C1RL: variants seen among roughly 807,000 people sequenced by gnomAD.
C1RL encodes the protein complement C1r subcomponent like, also known as complement C1r subcomponent-like protein.
Under a neutral mutation model 27.9 loss-of-function variants are expected in C1RL, and 27 were observed. The ratio of observed to expected loss-of-function variants is 0.97; its 90% CI spans 0.71 to 1.33. The LOEUF (loss-of-function observed/expected upper bound fraction) is 1.33, where lower values mean the gene tolerates loss of function less well. Among genes scored for constraint, C1RL ranks in the 40% most tolerant of loss-of-function variants. The pLI is 0.00. For synonymous variants in C1RL, 248 were observed against 252.1 expected, an observed-to-expected ratio of 0.98 and a Z score of 0.15; for missense variants, 563 against 623.9, an observed-to-expected ratio of 0.90 and a Z score of 1.04.
At chr12:7,098,613 G>A (rs1053569196) in intron 5 of C1RL, among the ~76,000 whole-genome samples, 1 of 152,314 alleles carries the variant, frequency 6.6e-6, no homozygotes, top group Non-Finnish European at 1.5e-5. Flanking sequence ...CCATAGAAAG[G>A]AGTATTATTT....
intron 5 of C1RL, 120 bp from the exon 6 acceptor site, chr12:7,097,283 G>GTTT: frequency 7.0e-5 from 43 of 612,072 alleles, no homozygotes; most frequent in South Asian, 1.6e-4. Flanking sequence ...GGATCAGGAC[G>GTTT]TTTTTTTTTT....
Position 7,099,739 on chromosome 12 carries a change from G to C in C1RL, c.638C>G (p.Pro213Arg). 6.4e-7 allele frequency: 1 copy of C among 1,574,052 alleles called. No homozygotes were observed. The highest frequency in any genetic ancestry group is 8.6e-7 in the Non-Finnish European group (1 of 1,159,456). ...ATCCTGTCTGTCTTTCCAGGTCCCT[G>C]GGGTTGCACAGGTGAGTGCCCCTGT... ...AAAGALTCAT[P>R]GTWKDRQDGE... is the part of the protein sequence containing the mutation. Residue 213 changes from proline to arginine, a missense_variant, in exon 5 of 6, where the codon CCA (proline) becomes CGA (arginine). Transcript: ENST00000266542.
chr12:7,103,432 A>G (rs1389970020), intron 2 of C1RL, among the ~76,000 whole-genome samples: 5 of 152,126 alleles, frequency 3.3e-5, no homozygotes, highest in African/African-American at 1.2e-4. Flanking sequence ...CTCCTATATA[A>G]TGGTCTGTGT....
chr12:7,103,876 T>C (rs1167439407), intron 2 of C1RL, among the ~76,000 whole-genome samples: 5 of 152,132 alleles, frequency 3.3e-5, no homozygotes, highest in African/African-American at 1.2e-4. Flanking sequence ...ACGGGACTCA[T>C]GGTAGGTGCT....
chr12:7,100,131 A>C (rs1330457918), intron 3 of C1RL, 105 bp from the exon 4 acceptor site: 3 of 1,173,946 alleles, frequency 2.6e-6, no homozygotes, highest in South Asian at 1.7e-5. Flanking sequence ...TTTATTTTTT[A>C]TTTTTAGTTT....
At position 7,096,533 on chromosome 12, in the gene C1RL, A is replaced by G. The variant is rs1346025524; in HGVS notation, c.1322T>C (p.Val441Ala). The G allele has an allele frequency of 3.7e-6, 6 of 1,613,968 alleles. No individual in the cohort carries two copies. Among genetic ancestry groups the G allele is most frequent in the Non-Finnish European group, 5.1e-6 (6 of 1,180,016 alleles). ...GTGATGGGCATGATTGTCCCATACC[A>G]CATAGACGCTGCCACTGTCCCCCTG... ...VCQGDSGSVY[V>A]VWDNHAHHWV... Residue 441 changes from valine (V) to alanine (A), a missense_variant, in exon 6 of 6, where the codon GTG (valine) becomes GCG (alanine). Physicochemically the swap from Val to Ala is moderately conservative, Grantham distance 64 (BLOSUM62 0). Coordinates refer to ENST00000266542, the MANE Select transcript of C1RL (RefSeq NM_016546.4).
At position 7,095,519 on chromosome 12, in the gene C1RL, A is replaced by G. The variant is rs1342054581; in HGVS notation, c.*872T>C. The G allele has an allele frequency of 4.1e-6, 4 of 986,360 alleles. No homozygotes were observed. Among genetic ancestry groups the G allele is most frequent in the Admixed American group, 1.2e-4 (2 of 16,344 alleles). The allele number at this position is 986,360 out of a possible 1,614,324, so 61.1% of individuals were successfully genotyped here. A position where few individuals can be genotyped will look rare whatever the true frequency, so the allele number is the denominator to read the frequency against. On this transcript the variant is annotated 3_prime_UTR_variant, in exon 6 of 6. Coordinates refer to ENST00000266542, the MANE Select transcript of C1RL (RefSeq NM_016546.4). Reference sequence around the variant, plus strand: ...GGGGTGTCTGCAAGAACTTCAGTCCAGTGCTGGGCTCACCTGGCTTCTGCA... The same window carrying G: ...GGGGTGTCTGCAAGAACTTCAGTCCGGTGCTGGGCTCACCTGGCTTCTGCA...
Position 7,095,438 on chromosome 12 carries a change from A to G in C1RL, c.*953T>C. 3 of 998,916 alleles carry G rather than the reference A, an allele frequency of 3.0e-6. No homozygotes were observed. Among genetic ancestry groups the G allele is most frequent in the Non-Finnish European group, 3.6e-6 (3 of 837,376 alleles). The allele number at this position is 998,916 out of a possible 1,614,324, so 61.9% of individuals were successfully genotyped here. ...CCATCACCTCCAGGTTTTACTAAAAATTAAAGAGTTGGTCCTCTCAGGTGG... is the reference window on the plus strand; with the variant it reads ...CCATCACCTCCAGGTTTTACTAAAAGTTAAAGAGTTGGTCCTCTCAGGTGG... On this transcript the variant is annotated 3_prime_UTR_variant, in exon 6 of 6. Coordinates refer to ENST00000266542, the MANE Select transcript of C1RL (RefSeq NM_016546.4).
At chr12:7,098,503 A>T (rs983081579) in intron 5 of C1RL, 3 of 152,258 alleles carry the variant, frequency 2.0e-5, no homozygotes, top group Non-Finnish European at 2.9e-5. Flanking sequence ...TTGATATAAA[A>T]ACTTGTACAC....
chr12:7,108,608 ACCCT>A, intron 1 of C1RL, 129 bp from the exon 2 acceptor site: 2 of 690,754 alleles, frequency 2.9e-6, no homozygotes, highest in Non-Finnish European at 2.4e-6. Context: ...CTGTGGCCTC[ACCCT>A]TGAGGCCCGG....
rs368393642 is a variant in C1RL at position 7,097,062 on chromosome 12, G to A, written c.793C>T (p.His265Tyr). Residue 265 changes from histidine to tyrosine, a missense_variant, in exon 6 of 6, where the codon CAC becomes TAC. Coordinates refer to ENST00000266542, the MANE Select transcript of C1RL (RefSeq NM_016546.4). ...NFPWQAFTSIHGRGGGALLGD... is the reference protein window; with the variant it reads ...NFPWQAFTSIYGRGGGALLGD... ...AGCAGGGCCCCGCCCCCACGGCCGT[G>A]GATACTGGTGAAGGCTTGCCAGGGG... The A allele has an allele frequency of 4.7e-5, 76 of 1,614,032 alleles. No individual in the cohort carries two copies. In the African/African-American group the frequency reaches 5.2e-4, roughly 11 times the overall value.
In C1RL at chr12:7,096,489, C is replaced by T. The variant is rs1292593650; in HGVS notation, c.1366G>A (p.Val456Met). 6.8e-6 allele frequency: 11 copies of T among 1,614,044 alleles called. No individual in the cohort carries two copies. Among genetic ancestry groups the T allele is most frequent in the Middle Eastern group, 1.6e-4 (1 of 6,084 alleles). Residue 456 changes from valine (V) to methionine (M), a missense_variant, in exon 6 of 6, where the codon GTG becomes ATG. Transcript: ENST00000266542. The part of the protein sequence containing the change: ...HAHHWVATGI[V>M]SWGIGCGEGY... ...TCGCCACACCCTATGCCCCAGGACA[C>T]AATGCCCGTGGCCACCCAGTGATGG... is the stretch of plus-strand genomic sequence containing the variant.
In C1RL at chr12:7,108,741, T is replaced by G. The variant is rs184096175; in HGVS notation, c.72-262A>C. ...TCCGAAGACATCACCTTTGCTCATC[T>G]CCCAGGAGAGTCTCGTCCAAAGGAG... On this transcript the variant is annotated intron_variant, in intron 1 of 5. Coordinates refer to ENST00000266542, the MANE Select transcript of C1RL (RefSeq NM_016546.4). 384 of 568,390 alleles carry G rather than the reference T, an allele frequency of 6.8e-4. 1 individual carries two copies. Among genetic ancestry groups the G allele is most frequent in the African/African-American group, 5.3e-3 (281 of 52,828 alleles). The allele number at this position is 568,390 out of a possible 1,614,324, so 35.2% of individuals were successfully genotyped here.
At position 7,095,878 on chromosome 12, in the gene C1RL, TA is replaced by T. The variant is rs1565633801; in HGVS notation, c.*512del. On this transcript the variant is annotated 3_prime_UTR_variant, in exon 6 of 6. Coordinates refer to ENST00000266542, the MANE Select transcript of C1RL (RefSeq NM_016546.4). ...CACCTGGCATATAGAGGACATAAAA[TA>T]AAAAAGGAGCTGTTTCTATAATTGC... is the stretch of plus-strand genomic sequence containing the variant. 1 of 972,296 alleles carries T rather than the reference TA, an allele frequency of 1.0e-6. No homozygotes were observed. Among genetic ancestry groups the T allele is most frequent in the Non-Finnish European group, 1.2e-6 (1 of 817,948 alleles). 60.2% of individuals were successfully genotyped at this position (972,296 alleles called of 1,614,324 possible). A position where few individuals can be genotyped will look rare whatever the true frequency, so the allele number is the denominator to read the frequency against.
intron 1 of C1RL, chr12:7,108,699 T>C: frequency 1.8e-6 from 1 of 569,476 alleles, no homozygotes; most frequent in South Asian, 2.3e-5. Flanking sequence ...AGCTCTAGGA[T>C]TGTGGGTTTT....
chr12:7,106,903 T>G (rs979722090), intron 2 of C1RL, among the ~76,000 whole-genome samples: 4 of 152,190 alleles, frequency 2.6e-5, no homozygotes, highest in African/African-American at 9.7e-5. Flanking sequence ...AATGATAATA[T>G]AGGTAAACTG....
At position 7,094,561 on chromosome 12, in the gene C1RL, A is replaced by C; in HGVS notation, c.*1830T>G. 2 of 539,130 alleles carry C rather than the reference A, an allele frequency of 3.7e-6. No individual in the cohort carries two copies. Among genetic ancestry groups the C allele is most frequent in the Non-Finnish European group, 4.4e-6 (2 of 459,486 alleles). The allele number at this position is 539,130 out of a possible 1,614,324, so 33.4% of individuals were successfully genotyped here. A position where few individuals can be genotyped will look rare whatever the true frequency, so the allele number is the denominator to read the frequency against. ...TAGACATACACATATAAATATAGGT[A>C]TATATATATTTTTTTGCCTTGGCAG... On this transcript the variant is annotated 3_prime_UTR_variant, in exon 6 of 6. Coordinates refer to ENST00000266542, the MANE Select transcript of C1RL (RefSeq NM_016546.4).
At position 7,096,145 on chromosome 12, in the gene C1RL, G is replaced by A; in HGVS notation, c.*246C>T. 1.5e-6 allele frequency: 2 copies of A among 1,300,320 alleles called. No individual in the cohort carries two copies. Among genetic ancestry groups the A allele is most frequent in the Non-Finnish European group, 2.0e-6 (2 of 1,024,892 alleles). The allele number at this position is 1,300,320 out of a possible 1,614,324, so 80.5% of individuals were successfully genotyped here. A position where few individuals can be genotyped will look rare whatever the true frequency, so the allele number is the denominator to read the frequency against. ...AGGCTTCCCGGGGCCTAGTGCATGA[G>A]CACAGGGAGGTAGAGGGTGAGGAGG... On this transcript the variant is annotated 3_prime_UTR_variant, in exon 6 of 6. Transcript: ENST00000266542.
At chr12:7,101,715 G>A in intron 3 of C1RL, 183 bp downstream of exon 3, 1 of 611,886 alleles carries the variant, frequency 1.6e-6, no homozygotes, top group Non-Finnish European at 2.9e-6. Flanking sequence ...ACCGCTGGGG[G>A]CTCAGCTACG....
Sources: allele counts gnomAD v4.1 joint callset (sites outside exome capture counted in the v4.1 genomes callset), GRCh38; gene constraint gnomAD v4.1.1; transcripts MANE v1.5; gene names NCBI Gene and HGNC (gene_info 2026-07-23, HGNC 2026-07-21).